Variants in LRRC37A observed in about 807,000 individuals in gnomAD.
LRRC37A encodes leucine rich repeat containing 37A, also known as leucine-rich repeat-containing protein 37A.
In LRRC37A, 3 loss-of-function variants were observed where a neutral mutation model predicts 35.4. The observed-to-expected ratio is 0.08, with a 90% CI of 0.04 to 0.22. The LOEUF (loss-of-function observed/expected upper bound fraction) is 0.22, where lower values mean the gene tolerates loss of function less well. Among genes scored for constraint, LRRC37A ranks in the 10% least tolerant of loss-of-function variants. The pLI is 1.00. For missense variants in LRRC37A, 67 were observed against 565.3 expected, an observed-to-expected ratio of 0.12 and a Z score of 8.94; for synonymous variants, 23 against 215.0, an observed-to-expected ratio of 0.11 and a Z score of 7.81.
At chr17:46,281,226 C>A in the LRRC37A span, among the ~76,000 whole-genome samples, 1 of 152,146 alleles carries the variant, frequency 6.6e-6, no homozygotes, top group South Asian at 2.1e-4. Flanking sequence ...ACCCCTTGCT[C>A]CCCCCACCCC....
At chr17:46,260,795 G>C in the LRRC37A span, among the ~76,000 whole-genome samples, 86 of 152,150 alleles carry the variant, frequency 5.7e-4, no homozygotes, top group African/African-American at 2.0e-3. Flanking sequence ...GGCTAATTTT[G>C]TATTTTTAGT....
At chr17:46,265,874 A>G in the LRRC37A span, among the ~76,000 whole-genome samples, 1 of 152,188 alleles carries the variant, frequency 6.6e-6, no homozygotes, top group Non-Finnish European at 1.5e-5. Context: ...AGGCGGGTGG[A>G]TGGCTTGAGG....
chr17:46,287,815 G>A (rs2950677), upstream of LRRC37A, among the ~76,000 whole-genome samples: 18,633 of 152,112 alleles, frequency 0.12, 1 homozygote, highest in Non-Finnish European at 0.18. Context: ...TTGGCAAGGC[G>A]GAGCTGTGTA....
the LRRC37A span, among the ~76,000 whole-genome samples, chr17:46,265,103 A>C: frequency 6.6e-6 from 1 of 151,894 alleles, no homozygotes; most frequent in East Asian, 1.9e-4. Flanking sequence ...CAAGCTTTGC[A>C]GTGGCTGTAG....
At chr17:46,262,278 C>T in the LRRC37A span, among the ~76,000 whole-genome samples, 1 of 152,270 alleles carries the variant, frequency 6.6e-6, no homozygotes, top group Admixed American at 6.5e-5. Flanking sequence ...AGGTGATCCA[C>T]CTGCCTTGGC....
chr17:46,252,377 CTTTT>C, the LRRC37A span, among the ~76,000 whole-genome samples: 1 of 122,046 alleles, frequency 8.2e-6, no homozygotes, highest in Non-Finnish European at 1.9e-5. Flanking sequence ...CATTTTCTTT[CTTTT>C]TTTTTTTTTT....
chr17:46,252,733 C>A, the LRRC37A span, among the ~76,000 whole-genome samples: 2 of 151,974 alleles, frequency 1.3e-5, no homozygotes, highest in African/African-American at 2.4e-5. Flanking sequence ...AAGAATTTTT[C>A]TTAGTATAGA....
At chr17:46,250,884 CT>C in the LRRC37A span, among the ~76,000 whole-genome samples, 1 of 151,522 alleles carries the variant, frequency 6.6e-6, no homozygotes, top group Non-Finnish European at 1.5e-5. Flanking sequence ...CTTCCTCTTC[CT>C]TCTCTTCCTC....
chr17:46,263,769 G>T, the LRRC37A span, among the ~76,000 whole-genome samples: 1 of 150,818 alleles, frequency 6.6e-6, no homozygotes, highest in Non-Finnish European at 1.5e-5. Flanking sequence ...CAGGAGAATC[G>T]CTTGAACCTG....
At chr17:46,321,914 C>CAA (rs1263117066) in intron 5 of LRRC37A, among the ~76,000 whole-genome samples, 7 of 10,982 alleles carry the variant, frequency 6.4e-4, no homozygotes, top group East Asian at 1.4e-3. Context: ...GACTCCATCT[C>CAA]AAAAAAAAAA....
chr17:46,267,111 C>A, the LRRC37A span: 14 of 415,352 alleles, frequency 3.4e-5, no homozygotes, highest in Non-Finnish European at 4.5e-5. Context: ...GCTTGCCGGG[C>A]GGGCATGGAC....
chr17:46,307,789 G>A lies in LRRC37A; in HGVS notation c.2906+1480G>A, dbSNP rs1283858398. ...TTCCAGCACTTTGCTGAGGTGGGTG[G>A]ATCACCTGAGGTCAGGAGTTCAAGA... On this transcript the variant is annotated intron_variant, in intron 5 of 13. Coordinates refer to ENST00000320254, the Ensembl canonical transcript of LRRC37A. Among the ~76,000 whole-genome samples the A allele has an allele frequency of 2.5e-5, 2 of 78,958 alleles. 1 individual carries two copies. The highest frequency in any genetic ancestry group is 7.7e-5 in the Non-Finnish European group (2 of 25,816). 51.8% of individuals were successfully genotyped at this position (78,958 alleles called of 152,430 possible). A position where few individuals can be genotyped will look rare whatever the true frequency, so the allele number is the denominator to read the frequency against.
the LRRC37A span, among the ~76,000 whole-genome samples, chr17:46,258,707 C>CTTTTT: frequency 1.4e-4 from 11 of 81,132 alleles, no homozygotes; most frequent in East Asian, 4.0e-4. Flanking sequence ...GACTATTATT[C>CTTTTT]TTTTTTTTTT....
the LRRC37A span, among the ~76,000 whole-genome samples, chr17:46,272,775 C>T: frequency 1.3e-5 from 2 of 152,222 alleles, no homozygotes; most frequent in African/African-American, 4.8e-5. Context: ...GTTGATAAAA[C>T]TATAAAATGT....
chr17:46,258,881 A>AT, the LRRC37A span, among the ~76,000 whole-genome samples: 65 of 147,954 alleles, frequency 4.4e-4, no homozygotes, highest in East Asian at 6.0e-3. Flanking sequence ...CGCCCGGCTA[A>AT]TTTTTTTTTT....
chr17:46,271,715 A>C, the LRRC37A span, among the ~76,000 whole-genome samples: 1 of 152,230 alleles, frequency 6.6e-6, no homozygotes, highest in East Asian at 1.9e-4. Flanking sequence ...ACTCTAGGCC[A>C]TTTGGAATAT....
At chr17:46,286,388 T>C in the LRRC37A span, among the ~76,000 whole-genome samples, 1 of 152,254 alleles carries the variant, frequency 6.6e-6, no homozygotes, top group Non-Finnish European at 1.5e-5. Context: ...CAACTAGTAC[T>C]GTACCATGTG....
rs529336682 is a variant in LRRC37A, at chr17:46,332,748, C to A, written c.4809+92C>A. 2.3e-3 allele frequency: 1,080 copies of A among 466,604 alleles called. 18 individuals carry two copies. The highest frequency in any genetic ancestry group is 0.021 in the African/African-American group (949 of 45,356). The allele number at this position is 466,604 out of a possible 1,614,324, so 28.9% of individuals were successfully genotyped here. ...AAACTGAAAACCAAAGCCACTTTCC[C>A]ACCTGCTGCTACTTGACATACTTCT... On this transcript the variant is annotated intron_variant, in intron 10 of 13. Coordinates refer to ENST00000320254, the Ensembl canonical transcript of LRRC37A.
the LRRC37A span, among the ~76,000 whole-genome samples, chr17:46,283,455 C>T: frequency 1.3e-5 from 2 of 152,200 alleles, no homozygotes; most frequent in East Asian, 3.9e-4. Flanking sequence ...TTTAAGATTC[C>T]CAGTTGAGTC....
Sources: allele counts gnomAD v4.1 joint callset (sites outside exome capture counted in the v4.1 genomes callset), GRCh38; gene constraint gnomAD v4.1.1; transcripts MANE v1.5; gene names NCBI Gene and HGNC (gene_info 2026-07-23, HGNC 2026-07-21).